FA2H: variants seen among roughly 807,000 people sequenced by gnomAD.
The protein encoded by FA2H is fatty acid 2-hydroxylase.
A neutral mutation model predicts 44.9 loss-of-function variants in FA2H; 22 were observed. That is an observed-to-expected ratio of 0.49 (90% confidence interval 0.35 to 0.70). The LOEUF is 0.70. Among genes scored for constraint, FA2H ranks in the 30% least tolerant of loss-of-function variants. The probability of loss-of-function intolerance (pLI) is 0.01; values close to 1 mark genes in which losing one functional copy is unlikely to be tolerated. For missense variants in FA2H, 501 were observed against 504.9 expected (o/e 0.99, Z 0.07); for synonymous variants, 243 against 213.2 (o/e 1.14, Z -1.22).
At chr16:74,728,778 TTC>T (rs1321382427) in intron 2 of FA2H, among the ~76,000 whole-genome samples, 11 of 145,052 alleles carry the variant, frequency 7.6e-5, no homozygotes, top group African/African-American at 2.7e-4. Context: ...ATTTATCTCT[TTC>T]TTTTTTTTTT....
intron 1 of FA2H, among the ~76,000 whole-genome samples, chr16:74,752,671 C>T (rs1048350673): frequency 6.6e-6 from 1 of 152,132 alleles, no homozygotes; most frequent in Non-Finnish European, 1.5e-5. Flanking sequence ...AAGCAGGGTG[C>T]CTGGCACAGA....
chr16:74,768,555 G>A lies in FA2H; in HGVS notation c.270+5931C>T, dbSNP rs554062687. 7.9e-5 allele frequency among the ~76,000 whole-genome samples: 12 copies of A among 152,308 alleles called. No homozygotes were observed. The East Asian group carries it at 9.6e-4, about 12-fold the overall frequency. The stretch of plus-strand genomic sequence containing the variant: ...GTGATCTCAACCCCTCCAGTAAGTC[G>A]ACTTCTCGGCTCTACTCTGCTCAGA... On this transcript the variant is annotated intron_variant, in intron 1 of 6. Coordinates refer to ENST00000219368, the MANE Select transcript of FA2H (RefSeq NM_024306.5).
At chr16:74,763,368 G>A (rs560142813) in intron 1 of FA2H, among the ~76,000 whole-genome samples, 16 of 151,840 alleles carry the variant, frequency 1.1e-4, no homozygotes, top group Non-Finnish European at 1.8e-4. Flanking sequence ...AGCAATTCTC[G>A]TATCTCAGCC....
chr16:74,734,416 A>G (rs1962140355), intron 2 of FA2H, among the ~76,000 whole-genome samples: 1 of 152,224 alleles, frequency 6.6e-6, no homozygotes, highest in African/African-American at 2.4e-5. Flanking sequence ...TGGTGATTCA[A>G]AGACCCGACC....
chr16:74,741,811 T>TA (rs1962310922), intron 1 of FA2H, among the ~76,000 whole-genome samples: 2 of 78,080 alleles, frequency 2.6e-5, no homozygotes, highest in African/African-American at 5.2e-5. Flanking sequence ...TATATATATG[T>TA]GTGTGTGTGT....
At chr16:74,727,525 T>G in intron 2 of FA2H, 139 bp from the exon 3 acceptor site, 1 of 912,082 alleles carries the variant, frequency 1.1e-6, no homozygotes, top group East Asian at 2.6e-5. Context: ...ACCCTCCTGC[T>G]TCAGTGATCA....
At position 74,740,018 on chromosome 16, in the gene FA2H, G is replaced by T. The variant is rs754553995; in HGVS notation, c.363+5C>A. 1 of 1,609,000 alleles carries T rather than the reference G, an allele frequency of 6.2e-7. No individual in the cohort carries two copies. ...CATCACCCCACTCCATCCTATGCCA[G>T]GTACCTTGTCCCAATCCACCACTTT... is the stretch of plus-strand genomic sequence containing the variant. On this transcript the variant is annotated splice_donor_5th_base_variant and intron_variant, in intron 2 of 6. Coordinates refer to ENST00000219368, the MANE Select transcript of FA2H (RefSeq NM_024306.5).
intron 1 of FA2H, among the ~76,000 whole-genome samples, chr16:74,769,326 G>T (rs1262474802): frequency 2.0e-5 from 3 of 151,960 alleles, no homozygotes; most frequent in Non-Finnish European, 4.4e-5. Context: ...CAAACTCCTG[G>T]GCTCTAGCGA....
chr16:74,737,331 C>T (rs1962201758), intron 2 of FA2H, among the ~76,000 whole-genome samples: 1 of 152,148 alleles, frequency 6.6e-6, no homozygotes, highest in African/African-American at 2.4e-5. Flanking sequence ...GGGTGAGAAT[C>T]CACAACCTGG....
intron 3 of FA2H, 150 bp from the exon 4 acceptor site, chr16:74,726,481 G>A (rs1476751328): frequency 6.8e-6 from 4 of 591,610 alleles, no homozygotes; most frequent in Admixed American, 5.1e-5. Context: ...CTCTGCCTCT[G>A]GGGTTCAAGT....
At chr16:74,724,472 C>T (rs984388668) in intron 4 of FA2H, among the ~76,000 whole-genome samples, 1 of 152,180 alleles carries the variant, frequency 6.6e-6, no homozygotes, top group Admixed American at 6.5e-5. Context: ...CTGGTGTCTG[C>T]GTTCAGCTTC....
intron 1 of FA2H, among the ~76,000 whole-genome samples, chr16:74,743,042 G>T (rs1024693439): frequency 1.3e-5 from 2 of 151,952 alleles, no homozygotes; most frequent in African/African-American, 2.4e-5. Flanking sequence ...TAGATATAGG[G>T]TCTCTCACTA....
intron 4 of FA2H, among the ~76,000 whole-genome samples, chr16:74,723,955 G>A (rs1302939748): frequency 1.3e-5 from 2 of 152,070 alleles, no homozygotes; most frequent in Non-Finnish European, 2.9e-5. Context: ...AGGCTAGAGT[G>A]CAGTGGCATG....
chr16:74,727,641 T>C (rs1266365224), intron 2 of FA2H, among the ~76,000 whole-genome samples: 1 of 152,208 alleles, frequency 6.6e-6, no homozygotes, highest in Non-Finnish European at 1.5e-5. Flanking sequence ...TCCCTCTTTC[T>C]GTTGGAGGTG....
At chr16:74,728,780 C>CTTT (rs935652907) in intron 2 of FA2H, among the ~76,000 whole-genome samples, 63 of 113,942 alleles carry the variant, frequency 5.5e-4, no homozygotes, top group Non-Finnish European at 6.6e-4. Flanking sequence ...TTATCTCTTT[C>CTTT]TTTTTTTTTT....
At chr16:74,740,616 C>T (rs1471045861) in intron 1 of FA2H, among the ~76,000 whole-genome samples, 2 of 99,946 alleles carry the variant, frequency 2.0e-5, no homozygotes, top group African/African-American at 7.2e-5. Context: ...AAGACTCCAT[C>T]TCAAAATAAT....
intron 2 of FA2H, 119 bp downstream of exon 2, chr16:74,739,904 T>C: frequency 1.2e-6 from 1 of 825,980 alleles, no homozygotes; most frequent in East Asian, 2.4e-5. Context: ...TGCTTCTCCT[T>C]CCCCTTCTCC....
chr16:74,758,442 T>A lies in FA2H; in HGVS notation c.270+16044A>T, dbSNP rs937417361. Among the ~76,000 whole-genome samples, 4 of 152,118 alleles carry A rather than the reference T, an allele frequency of 2.6e-5. No homozygotes were observed. The East Asian group carries it at 7.7e-4, about 29-fold the overall frequency. ...GCTGGAAACAATTCTTTTTTGCACG[T>A]TCGTCTTAACTATTTAAATTTTTAT... is the stretch of plus-strand genomic sequence containing the variant. On this transcript the variant is annotated intron_variant, in intron 1 of 6. Coordinates refer to ENST00000219368, the MANE Select transcript of FA2H (RefSeq NM_024306.5).
At chr16:74,741,804 ATATATGTGTGTG>A (rs1401738270) in intron 1 of FA2H, among the ~76,000 whole-genome samples, 2 of 57,844 alleles carry the variant, frequency 3.5e-5, no homozygotes, top group Non-Finnish European at 6.4e-5. Context: ...ATATATATAT[ATATATGTGTGTG>A]TGTGTGTGTG....
Sources: gnomAD v4.1 joint callset for allele counts (sites outside exome capture counted in the v4.1 genomes callset) on GRCh38, gnomAD v4.1.1 for gene constraint, MANE v1.5 for transcripts, NCBI Gene and HGNC (gene_info 2026-07-23, HGNC 2026-07-21) for gene names.